MIF4GD: variants seen among roughly 807,000 people sequenced by gnomAD.
MIF4GD encodes MIF4G domain-containing protein.
MIF4GD carries 22 observed loss-of-function variants against 26.7 expected under a neutral mutation model. That is an observed-to-expected ratio of 0.82 (90% CI 0.59 to 1.18). MIF4GD has a LOEUF of 1.18. Among genes scored for constraint, MIF4GD ranks in the 50% most tolerant of loss-of-function variants. The pLI is 0.00. For missense variants in MIF4GD, 262 were observed against 279.6 expected (o/e 0.94, Z 0.45); for synonymous variants, 137 against 111.6 (o/e 1.23, Z -1.43).
Position 75,267,572 on chromosome 17 carries a change from A to T in MIF4GD, c.407T>A (p.Leu136Gln), listed in dbSNP as rs2077542019. 3 of 1,614,196 alleles carry T rather than the reference A, an allele frequency of 1.9e-6. No individual in the cohort carries two copies. Among genetic ancestry groups the T allele is most frequent in the Non-Finnish European group, 2.5e-6 (3 of 1,180,032 alleles). ...VNPVYDCLFR[L>Q]AQPDSLSKEE... ...CTTGCTCAAACTGTCTGGCTGGGCCAGCCGGAAGAGGCAGTCATAGACAGG... is the reference window on the plus strand; with the variant it reads ...CTTGCTCAAACTGTCTGGCTGGGCCTGCCGGAAGAGGCAGTCATAGACAGG... The change falls in exon 5 of 6, where the codon CTG (leucine) becomes CAG (glutamine). Residue 136 changes from leucine to glutamine, a missense_variant. Physicochemically the swap from Leu to Gln is moderately radical, Grantham distance 113. Coordinates refer to ENST00000325102, the MANE Select transcript of MIF4GD (RefSeq NM_001370592.1).
chr17:75,267,029 T>C, intron 5 of MIF4GD, 62 bp from the exon 6 acceptor site: 1 of 1,449,088 alleles, frequency 6.9e-7, no homozygotes, highest in Non-Finnish European at 9.5e-7. Flanking sequence ...TCACACAGCA[T>C]TTGCCAAGTG....
Position 75,270,215 on chromosome 17 carries a change from C to G in MIF4GD, c.-20G>C. The G allele has an allele frequency of 6.2e-7, 1 of 1,602,100 alleles. No individual in the cohort carries two copies. The highest frequency in any genetic ancestry group is 1.3e-5 in the African/African-American group (1 of 74,822). On this transcript the variant is annotated 5_prime_UTR_variant, in exon 2 of 6. Coordinates refer to ENST00000325102, the MANE Select transcript of MIF4GD (RefSeq NM_001370592.1). The surrounding 1 kb of genome is among the most constrained non-coding windows in gnomAD (Gnocchi z 5.7). ...CCCCATGACTAGCCAGCCCCGGTAG[C>G]TCTTGACTGGGCTGGGAATAAGGAC...
At chr17:75,268,603 C>T (rs1014198370) in intron 2 of MIF4GD, among the ~76,000 whole-genome samples, 6 of 144,994 alleles carry the variant, frequency 4.1e-5, no homozygotes, top group East Asian at 2.0e-4. Flanking sequence ...ACCTGGGAGG[C>T]GGAGGTTGCA....
chr17:75,268,808 A>C (rs1408837060), intron 2 of MIF4GD, among the ~76,000 whole-genome samples: 2 of 152,198 alleles, frequency 1.3e-5, no homozygotes, highest in Middle Eastern at 3.4e-3. Flanking sequence ...GGTCAAGACC[A>C]GCCTGGCCAA....
In MIF4GD at chr17:75,267,536, ACCT is replaced by A. The variant is rs781215933; in HGVS notation, c.440_441+1del. ...GCTTGTGCCAGGGCTGGGGCCACCCACCTCCTCCTCCTTGCTCAAACTGTCTGG... is the reference window on the plus strand; with the variant it reads ...GCTTGTGCCAGGGCTGGGGCCACCCACCTCCTCCTTGCTCAAACTGTCTGG... On this transcript the variant is annotated splice_donor_variant and coding_sequence_variant, in exon 5 of 6. Coordinates refer to ENST00000325102, the MANE Select transcript of MIF4GD (RefSeq NM_001370592.1). LOFTEE classifies it high-confidence loss of function. 70 of 1,613,542 alleles carry A rather than the reference ACCT, an allele frequency of 4.3e-5. No individual in the cohort carries two copies. Among genetic ancestry groups the A allele is most frequent in the Admixed American group, 5.0e-5 (3 of 59,932 alleles).
rs774577850 is a variant in MIF4GD at position 75,268,078 on chromosome 17, C to T, written c.192+5G>A. 2.2e-5 allele frequency: 36 copies of T among 1,613,930 alleles called. No homozygotes were observed. The South Asian group carries it at 3.6e-4, about 16-fold the overall frequency. On this transcript the variant is annotated splice_donor_5th_base_variant and intron_variant, in intron 3 of 5. Coordinates refer to ENST00000325102, the MANE Select transcript of MIF4GD (RefSeq NM_001370592.1). ...GCAGCTTCCTTTCCTCTCCCAACCC[C>T]CAACCTGAATGATGGCGTAGCACAT...
chr17:75,268,342 T>G (rs1360541644), intron 2 of MIF4GD, 150 bp from the exon 3 acceptor site: 1 of 668,972 alleles, frequency 1.5e-6, no homozygotes, highest in Non-Finnish European at 2.7e-6. Context: ...GTGGCTCCAG[T>G]GGTGCAATTG....
intron 5 of MIF4GD, 171 bp downstream of exon 5, chr17:75,267,367 C>G (rs1218960982): frequency 1.5e-6 from 1 of 664,460 alleles, no homozygotes; most frequent in Admixed American, 2.9e-5. Context: ...TGGATAAACT[C>G]CAGACCTGGC....
At position 75,266,875 on chromosome 17, in the gene MIF4GD, C is replaced by T; in HGVS notation, c.534G>A (p.Arg178=). The change falls in exon 6 of 6, where the codon CGG becomes CGA. Residue 178 remains arginine (R), a synonymous_variant. Transcript: ENST00000325102. ...QRMDELFVLI[R]DGFLLPTGLS... is the part of the protein sequence containing the mutation. Reference sequence around the variant, plus strand: ...GGCCAGTTGGGAGCAGGAAGCCATCCCGGATCAGCACAAAGAGCTCATCCA... The same window carrying T: ...GGCCAGTTGGGAGCAGGAAGCCATCTCGGATCAGCACAAAGAGCTCATCCA... 6.2e-7 allele frequency: 1 copy of T among 1,614,186 alleles called. No homozygotes were observed. The highest frequency in any genetic ancestry group is 8.5e-7 in the Non-Finnish European group (1 of 1,180,030).
At chr17:75,269,302 G>T in intron 2 of MIF4GD, 1 of 1,608,864 alleles carries the variant, frequency 6.2e-7, no homozygotes, top group East Asian at 2.2e-5. Flanking sequence ...AACAGGCTCG[G>T]CTTGACACAT....
In MIF4GD at chr17:75,266,438, A is replaced by C; in HGVS notation, c.*302T>G. On this transcript the variant is annotated 3_prime_UTR_variant, in exon 6 of 6. Transcript: ENST00000325102. ...ATCCCACCAGTGGCTATGCTTACCC[A>C]TTTTACAGATGGGTAAACTGAGGCA... 1 of 464,488 alleles carries C rather than the reference A, an allele frequency of 2.2e-6. No homozygotes were observed. The highest frequency in any genetic ancestry group is 4.0e-6 in the Non-Finnish European group (1 of 251,722). The allele number at this position is 464,488 out of a possible 1,614,324, so 28.8% of individuals were successfully genotyped here.
chr17:75,266,806 G>C lies in MIF4GD; in HGVS notation c.603C>G (p.Phe201Leu), dbSNP rs772174471. Residue 201 changes from phenylalanine to leucine, a missense_variant, in exon 6 of 6, where the codon TTC becomes TTG. Physicochemically the swap from Phe to Leu is conservative, Grantham distance 22. Coordinates refer to ENST00000325102, the MANE Select transcript of MIF4GD (RefSeq NM_001370592.1). ...AQLLLLEIIE[F>L]RAAGWKTTPA... Reference sequence around the variant, plus strand: ...GCGTTGTCTTCCAGCCGGCCGCCCGGAACTCAATGATCTCCAGCAGCAGCA... The same window carrying C: ...GCGTTGTCTTCCAGCCGGCCGCCCGCAACTCAATGATCTCCAGCAGCAGCA... 3 of 1,614,090 alleles carry C rather than the reference G, an allele frequency of 1.9e-6. No homozygotes were observed. Among genetic ancestry groups the C allele is most frequent in the Non-Finnish European group, 2.5e-6 (3 of 1,180,050 alleles).
chr17:75,269,710 C>T (rs1382656770), intron 2 of MIF4GD, among the ~76,000 whole-genome samples: 2 of 148,258 alleles, frequency 1.3e-5, no homozygotes, highest in African/African-American at 2.5e-5. Flanking sequence ...CAGGTGCCTG[C>T]CACTATGCCC....
In MIF4GD at chr17:75,266,862, G is replaced by A. The variant is rs1264119760; in HGVS notation, c.547C>T (p.Leu183Phe). Reference sequence around the variant, plus strand: ...GCCAGGGAGCTGAGGCCAGTTGGGAGCAGGAAGCCATCCCGGATCAGCACA... The same window carrying A: ...GCCAGGGAGCTGAGGCCAGTTGGGAACAGGAAGCCATCCCGGATCAGCACA... Reference protein sequence around the residue: ...LFVLIRDGFLLPTGLSSLAQL... With the variant: ...LFVLIRDGFLFPTGLSSLAQL... The change falls in exon 6 of 6, where the codon CTC becomes TTC. Residue 183 changes from leucine to phenylalanine, a missense_variant. Leu to Phe is a conservative substitution (Grantham distance 22). Coordinates refer to ENST00000325102, the MANE Select transcript of MIF4GD (RefSeq NM_001370592.1). The A allele has an allele frequency of 6.2e-7, 1 of 1,614,204 alleles. No homozygotes were observed. The highest frequency in any genetic ancestry group is 1.1e-5 in the South Asian group (1 of 91,086).
intron 2 of MIF4GD, chr17:75,269,547 ACTTTTTTTTTTT>A: frequency 1.3e-6 from 1 of 766,068 alleles, no homozygotes; most frequent in African/African-American, 2.5e-5. Context: ...TTATGGTTAA[ACTTTTTTTTTTT>A]TTTTTTTTTT....
At chr17:75,267,071 C>A in intron 5 of MIF4GD, 104 bp from the exon 6 acceptor site, 1 of 900,952 alleles carries the variant, frequency 1.1e-6, no homozygotes, top group Non-Finnish European at 1.7e-6. Flanking sequence ...TACACTCATT[C>A]CCTTGCTCCC....
intron 5 of MIF4GD, among the ~76,000 whole-genome samples, chr17:75,267,269 T>C (rs1046330327): frequency 6.6e-6 from 1 of 152,216 alleles, no homozygotes; most frequent in African/African-American, 2.4e-5. Context: ...TACCCACAGC[T>C]AGCCATGGCT....
chr17:75,270,202 C>T lies in MIF4GD; in HGVS notation c.-7G>A. On this transcript the variant is annotated 5_prime_UTR_variant, in exon 2 of 6. Transcript: ENST00000325102. The surrounding 1 kb of genome is among the most constrained non-coding windows in gnomAD (Gnocchi z 5.7). ...CTCTACTGGGCTCCCCCATGACTAGCCAGCCCCGGTAGCTCTTGACTGGGC... is the reference window on the plus strand; with the variant it reads ...CTCTACTGGGCTCCCCCATGACTAGTCAGCCCCGGTAGCTCTTGACTGGGC... 6.2e-7 allele frequency: 1 copy of T among 1,612,880 alleles called. No homozygotes were observed.
At position 75,270,229 on chromosome 17, in the gene MIF4GD, G is replaced by C. The variant is rs1281711861; in HGVS notation, c.-34C>G. 2.5e-5 allele frequency: 40 copies of C among 1,575,248 alleles called. No homozygotes were observed. The highest frequency in any genetic ancestry group is 3.2e-5 in the Non-Finnish European group (37 of 1,145,170). ...AGCCCCGGTAGCTCTTGACTGGGCT[G>C]GGAATAAGGACAGCACCTGAGGAGA... On this transcript the variant is annotated 5_prime_UTR_variant, in exon 2 of 6. Coordinates refer to ENST00000325102, the MANE Select transcript of MIF4GD (RefSeq NM_001370592.1). The surrounding 1 kb of genome is among the most constrained non-coding windows in gnomAD (Gnocchi z 5.7).
Sources: gnomAD v4.1 joint callset for allele counts (sites outside exome capture counted in the v4.1 genomes callset) on GRCh38, gnomAD v4.1.1 for gene constraint, Gnocchi (gnomAD v3.1) non-coding constraint, MANE v1.5 for transcripts, NCBI Gene and HGNC (gene_info 2026-07-23, HGNC 2026-07-21) for gene names.